The following DYNC1I1 variants were observed in gnomAD, a reference collection of about 807,000 sequenced individuals.
DYNC1I1 encodes the protein dynein cytoplasmic 1 intermediate chain 1.
A neutral mutation model predicts 86.6 loss-of-function variants in DYNC1I1; 43 were observed. The ratio of observed to expected loss-of-function variants is 0.50; its 90% confidence interval spans 0.39 to 0.64. The LOEUF (loss-of-function observed/expected upper bound fraction) is 0.64. Among genes scored for constraint, DYNC1I1 ranks in the 30% least tolerant of loss-of-function variants. The pLI is 0.00. For missense variants in DYNC1I1, 604 were observed against 788.8 expected, an observed-to-expected ratio of 0.77 and a Z score of 2.81; for synonymous variants, 262 against 283.7, an observed-to-expected ratio of 0.92 and a Z score of 0.77.
chr7:96,108,564 A>C (rs2116357336), intron 16 of DYNC1I1, among the ~76,000 whole-genome samples: 1 of 151,972 alleles, frequency 6.6e-6, no homozygotes, highest in Admixed American at 6.6e-5. Context: ...CTAGGCTTGG[A>C]TTTTTCTCTG....
At chr7:95,863,220 T>C (rs925996747) in intron 5 of DYNC1I1, among the ~76,000 whole-genome samples, 1 of 152,206 alleles carries the variant, frequency 6.6e-6, no homozygotes, top group East Asian at 1.9e-4. Flanking sequence ...TGCTACAACA[T>C]TGTTGAATCT....
chr7:95,800,775 T>C (rs1478769754), intron 1 of DYNC1I1, among the ~76,000 whole-genome samples: 1 of 152,230 alleles, frequency 6.6e-6, no homozygotes, highest in Non-Finnish European at 1.5e-5. Context: ...TGAGCAATAA[T>C]TAGCAGCAGG....
intron 10 of DYNC1I1, among the ~76,000 whole-genome samples, chr7:96,007,183 C>A (rs1429282873): frequency 1.3e-5 from 2 of 152,104 alleles, no homozygotes; most frequent in African/African-American, 2.4e-5. Context: ...TTAGCTAGTA[C>A]TTGTGTTACA....
At position 95,800,470 on chromosome 7, in the gene DYNC1I1, G is replaced by A. The variant is rs147320192; in HGVS notation, c.-9-4251G>A. Among the ~76,000 whole-genome samples the A allele has an allele frequency of 4.7e-3, 722 of 152,248 alleles. 5 individuals carry two copies. Among genetic ancestry groups the A allele is most frequent in the African/African-American group, 0.017 (694 of 41,532 alleles). ...AATGAAGCTGGGTGACAGTGAGTGA[G>A]GAAGGGGAGATGCCACTGATGGAAA... is the stretch of plus-strand genomic sequence containing the variant. On this transcript the variant is annotated intron_variant, in intron 1 of 16. Coordinates refer to ENST00000447467, the MANE Select transcript of DYNC1I1 (RefSeq NM_001135556.2).
chr7:95,887,834 C>T (rs1312009060), intron 6 of DYNC1I1, among the ~76,000 whole-genome samples: 1 of 152,138 alleles, frequency 6.6e-6, no homozygotes, highest in African/African-American at 2.4e-5. Context: ...GGTGTATGGG[C>T]TTGGGTGCAT....
intron 10 of DYNC1I1, among the ~76,000 whole-genome samples, chr7:96,010,237 G>A (rs927861844): frequency 6.6e-6 from 1 of 152,108 alleles, no homozygotes; most frequent in African/African-American, 2.4e-5. Flanking sequence ...TGGTTGACCC[G>A]GAACACCCCA....
chr7:96,027,254 T>A (rs1794704404), intron 10 of DYNC1I1, among the ~76,000 whole-genome samples: 1 of 152,220 alleles, frequency 6.6e-6, no homozygotes, highest in Admixed American at 6.5e-5. Context: ...CTCAGTGACT[T>A]CATTTAATTT....
intron 4 of DYNC1I1, among the ~76,000 whole-genome samples, chr7:95,827,696 T>G (rs1019695072): frequency 6.6e-6 from 1 of 152,112 alleles, no homozygotes; most frequent in Admixed American, 6.5e-5. Context: ...AGTTCCCAGA[T>G]GTGGGTGGGC....
intron 1 of DYNC1I1, among the ~76,000 whole-genome samples, chr7:95,793,741 T>G (rs1215402590): frequency 6.6e-6 from 1 of 152,360 alleles, no homozygotes; most frequent in East Asian, 1.9e-4. Flanking sequence ...CCCAGCCTGC[T>G]GTGAAGAAGT....
At chr7:96,000,864 G>A (rs575854243) in intron 10 of DYNC1I1, among the ~76,000 whole-genome samples, 6 of 152,318 alleles carry the variant, frequency 3.9e-5, no homozygotes, top group Admixed American at 3.3e-4. Flanking sequence ...TCTGAAAACA[G>A]CAATGAAGGA....
intron 16 of DYNC1I1, among the ~76,000 whole-genome samples, chr7:96,091,968 A>T (rs1170937701): frequency 6.6e-6 from 1 of 152,210 alleles, no homozygotes; most frequent in Non-Finnish European, 1.5e-5. Flanking sequence ...ATGTGTGTGG[A>T]TGTGTATAGT....
intron 9 of DYNC1I1, among the ~76,000 whole-genome samples, chr7:95,988,438 C>T (rs969332345): frequency 1.3e-5 from 2 of 152,110 alleles, no homozygotes; most frequent in Non-Finnish European, 1.5e-5. Flanking sequence ...AAGTCTAAGC[C>T]CATCAGTGTG....
chr7:95,832,887 G>T (rs1227507), intron 5 of DYNC1I1, among the ~76,000 whole-genome samples: 1 of 151,844 alleles, frequency 6.6e-6, no homozygotes, highest in Admixed American at 6.6e-5. Context: ...TCAGATGAGT[G>T]GGTCGTGAAA....
At chr7:96,017,316 T>C (rs927824769) in intron 10 of DYNC1I1, among the ~76,000 whole-genome samples, 2 of 152,186 alleles carry the variant, frequency 1.3e-5, no homozygotes, top group African/African-American at 4.8e-5. Context: ...TTTATCTCTA[T>C]AAATAAAACA....
intron 5 of DYNC1I1, among the ~76,000 whole-genome samples, chr7:95,867,685 G>A (rs1029659363): frequency 1.2e-4 from 19 of 152,296 alleles, no homozygotes; most frequent in Admixed American, 9.1e-4. Flanking sequence ...AACCAGAGCT[G>A]GAGCTCCCTG....
intron 10 of DYNC1I1, among the ~76,000 whole-genome samples, chr7:96,007,185 T>C (rs940393764): frequency 6.6e-6 from 1 of 152,226 alleles, no homozygotes; most frequent in African/African-American, 2.4e-5. Context: ...AGCTAGTACT[T>C]GTGTTACAGG....
intron 16 of DYNC1I1, among the ~76,000 whole-genome samples, chr7:96,084,272 C>T (rs1790609702): frequency 6.7e-6 from 1 of 149,256 alleles, no homozygotes; most frequent in South Asian, 2.1e-4. Context: ...ATTAGCCGGT[C>T]CTGTCAACTA....
intron 16 of DYNC1I1, among the ~76,000 whole-genome samples, chr7:96,103,937 A>G (rs923419672): frequency 6.6e-6 from 1 of 152,150 alleles, no homozygotes; most frequent in Admixed American, 6.6e-5. Flanking sequence ...ATGACTCCAC[A>G]ACTTCTCTGA....
intron 11 of DYNC1I1, among the ~76,000 whole-genome samples, chr7:96,031,835 T>C (rs968077001): frequency 6.6e-6 from 1 of 152,146 alleles, no homozygotes; most frequent in Non-Finnish European, 1.5e-5. Flanking sequence ...TTGCTGTAGG[T>C]TCTGCTCATA....
Sources: gnomAD v4.1 joint callset for allele counts (sites outside exome capture counted in the v4.1 genomes callset) on GRCh38, gnomAD v4.1.1 for gene constraint, MANE v1.5 for transcripts, NCBI Gene and HGNC (gene_info 2026-07-23, HGNC 2026-07-21) for gene names.